The following AFAP1L1 variants were observed in gnomAD, a reference collection of about 807,000 sequenced individuals.
The protein encoded by AFAP1L1 is actin filament associated protein 1 like 1, also known as actin filament-associated protein 1-like 1.
Under a neutral mutation model 99.8 loss-of-function variants are expected in AFAP1L1, and 77 were observed. The observed-to-expected ratio is 0.77, with a 90% CI of 0.64 to 0.93. AFAP1L1 has a LOEUF of 0.93. Among genes scored for constraint, AFAP1L1 ranks in the 40% least tolerant of loss-of-function variants. The pLI is 0.00. For missense variants in AFAP1L1, 893 were observed against 996.8 expected, an observed-to-expected ratio of 0.90 and a Z score of 1.40; for synonymous variants, 373 against 395.3, an observed-to-expected ratio of 0.94 and a Z score of 0.67.
At chr5:149,301,341 GTCTC>G (rs1390163296) in intron 4 of AFAP1L1, 111 bp downstream of exon 4, 1 of 929,980 alleles carries the variant, frequency 1.1e-6, no homozygotes, top group Non-Finnish European at 1.7e-6. Context: ...GGACCCTGTT[GTCTC>G]TCTCGGGTTG....
At chr5:149,315,796 AGG>A (rs1467595181) in intron 9 of AFAP1L1, 23 bp from the exon 10 acceptor site, 2 of 1,608,688 alleles carry the variant, frequency 1.2e-6, no homozygotes, top group East Asian at 4.5e-5. Flanking sequence ...CCCTCTGATG[AGG>A]GACTGCCTGT....
In AFAP1L1 at chr5:149,343,382, C is replaced by G. The variant is rs1312652882; in HGVS notation, c.*3352C>G. Among the ~76,000 whole-genome samples the G allele has an allele frequency of 1.3e-5, 2 of 152,104 alleles. No individual in the cohort carries two copies. Among genetic ancestry groups the G allele is most frequent in the Admixed American group, 1.3e-4 (2 of 15,280 alleles). On this transcript the variant is annotated 3_prime_UTR_variant, in exon 19 of 19. Coordinates refer to ENST00000296721, the MANE Select transcript of AFAP1L1 (RefSeq NM_152406.4). Reference sequence around the variant, plus strand: ...AACTAAGCTGGCAACTCCAAGTGCCCTGGACCCCAGTCACCAATCCATCCT... The same window carrying G: ...AACTAAGCTGGCAACTCCAAGTGCCGTGGACCCCAGTCACCAATCCATCCT...
chr5:149,308,701 A>G (rs796137246), intron 7 of AFAP1L1, among the ~76,000 whole-genome samples: 2 of 152,190 alleles, frequency 1.3e-5, no homozygotes, highest in African/African-American at 2.4e-5. Context: ...TACCCCTTCT[A>G]TATTTTTCTC....
chr5:149,282,825 G>A (rs1000469287), intron 1 of AFAP1L1, among the ~76,000 whole-genome samples: 1 of 152,222 alleles, frequency 6.6e-6, no homozygotes, highest in African/African-American at 2.4e-5. Context: ...AAGGAATGAA[G>A]CACTGTCCTT....
Position 149,310,102 on chromosome 5 carries a change from G to A in AFAP1L1, c.894G>A (p.Leu298=), listed in dbSNP as rs1756576381. 1 of 1,611,712 alleles carries A rather than the reference G, an allele frequency of 6.2e-7. No individual in the cohort carries two copies. The highest frequency in any genetic ancestry group is 1.3e-5 in the African/African-American group (1 of 74,904). The change falls in exon 8 of 19, where the codon CTG becomes CTA. Residue 298 remains leucine, a synonymous_variant. Transcript: ENST00000296721. ...QGATEVLVLA[L]QSREQAEEWL... Reference sequence around the variant, plus strand: ...CTACCGAGGTCTTGGTGCTGGCACTGCAGAGCCGAGAGCAGGCCGAGGAGT... The same window carrying A: ...CTACCGAGGTCTTGGTGCTGGCACTACAGAGCCGAGAGCAGGCCGAGGAGT...
intron 11 of AFAP1L1, 81 bp downstream of exon 11, chr5:149,316,384 C>A: frequency 6.6e-7 from 1 of 1,505,150 alleles, no homozygotes; most frequent in Non-Finnish European, 9.0e-7. Context: ...AGACCTCATG[C>A]CTCGTCCACC....
intron 18 of AFAP1L1, among the ~76,000 whole-genome samples, chr5:149,339,530 G>A (rs1283290088): frequency 1.3e-5 from 2 of 152,180 alleles, no homozygotes; most frequent in South Asian, 2.1e-4. Flanking sequence ...TTTGAATTTC[G>A]TATCATTTTC....
rs2127607583 is a variant in AFAP1L1, at chr5:149,341,247, A to G, written c.*1217A>G. On this transcript the variant is annotated 3_prime_UTR_variant, in exon 19 of 19. Coordinates refer to ENST00000296721, the MANE Select transcript of AFAP1L1 (RefSeq NM_152406.4). Reference sequence around the variant, plus strand: ...AGGGGTTACATATTTTAACCCACCTAAGGTTTTACAGACTTTAGCCTCACT... The same window carrying G: ...AGGGGTTACATATTTTAACCCACCTGAGGTTTTACAGACTTTAGCCTCACT... 6.6e-6 allele frequency: 1 copy of G among 152,312 alleles called. No individual in the cohort carries two copies. The highest frequency in any genetic ancestry group is 2.1e-4 in the South Asian group (1 of 4,828). 9.4% of individuals were successfully genotyped at this position (152,312 alleles called of 1,614,324 possible).
In AFAP1L1 at chr5:149,300,256, CCTT is replaced by C; in HGVS notation, c.146-10_146-8del. Reference sequence around the variant, plus strand: ...TCCTCCTTCACAGCTGGCATGTCCCCCTTCTTCCTCACAGCAAAGGAGGTCTCC... The same window carrying C: ...TCCTCCTTCACAGCTGGCATGTCCCCCTTCCTCACAGCAAAGGAGGTCTCC... On this transcript the variant is annotated splice_polypyrimidine_tract_variant and intron_variant, in intron 2 of 18. Transcript: ENST00000296721. 6.2e-7 allele frequency: 1 copy of C among 1,605,472 alleles called. No homozygotes were observed. Among genetic ancestry groups the C allele is most frequent in the Non-Finnish European group, 8.5e-7 (1 of 1,174,420 alleles).
In AFAP1L1 at chr5:149,329,791, G is replaced by A; in HGVS notation, c.1936G>A (p.Glu646Lys). The change falls in exon 16 of 19, where the codon GAG (glutamate) becomes AAG (lysine). Residue 646 changes from glutamate to lysine, a missense_variant. By Grantham distance (56) the Glu-to-Lys change is moderately conservative. Coordinates refer to ENST00000296721, the MANE Select transcript of AFAP1L1 (RefSeq NM_152406.4). ...IRTELIALRQ[E>K]KRELKEAIRS... ...GACAGAGCTGATAGCACTGAGACAG[G>A]AGAAGAGGGAACTGAAGGAAGCCAT... The A allele has an allele frequency of 1.9e-6, 3 of 1,613,450 alleles. No homozygotes were observed. The highest frequency in any genetic ancestry group is 2.5e-6 in the Non-Finnish European group (3 of 1,179,718).
chr5:149,299,389 G>T, intron 1 of AFAP1L1, 120 bp from the exon 2 acceptor site: 2 of 1,380,958 alleles, frequency 1.4e-6, no homozygotes, highest in Non-Finnish European at 9.7e-7. Context: ...AGGTCCGCTT[G>T]CACACCCGGA....
chr5:149,300,158 A>G, intron 2 of AFAP1L1, 113 bp from the exon 3 acceptor site: 2 of 658,914 alleles, frequency 3.0e-6, no homozygotes, highest in East Asian at 5.8e-5. Flanking sequence ...TAGGACTTGA[A>G]TGCGCTTTGC....
intron 1 of AFAP1L1, among the ~76,000 whole-genome samples, chr5:149,284,918 A>G (rs1370617648): frequency 6.6e-6 from 1 of 152,236 alleles, no homozygotes; most frequent in Non-Finnish European, 1.5e-5. Context: ...AGAGATACAT[A>G]AAACTTTAAA....
At position 149,322,684 on chromosome 5, in the gene AFAP1L1, G is replaced by C; in HGVS notation, c.1777G>C (p.Asp593His). 1 of 1,592,556 alleles carries C rather than the reference G, an allele frequency of 6.3e-7. No individual in the cohort carries two copies. Among genetic ancestry groups the C allele is most frequent in the Non-Finnish European group, 8.6e-7 (1 of 1,168,630 alleles). Residue 593 changes from aspartate (D) to histidine (H), a missense_variant, in exon 15 of 19, where the codon GAC (aspartate) becomes CAC (histidine). Transcript: ENST00000296721. ...SSCSEKSHRV[D>H]PQVKVKRHAS... is the part of the protein sequence containing the mutation. ...CTGCAGTGAGAAGTCCCATCGTGTGGACCCGCAGGTCAAAGTCAAACGCCA... is the reference window on the plus strand; with the variant it reads ...CTGCAGTGAGAAGTCCCATCGTGTGCACCCGCAGGTCAAAGTCAAACGCCA...
rs1446836848 is a variant in AFAP1L1 at position 149,342,340 on chromosome 5, C to G, written c.*2310C>G. Among the ~76,000 whole-genome samples the G allele has an allele frequency of 1.3e-5, 2 of 152,204 alleles. No individual in the cohort carries two copies. The highest frequency in any genetic ancestry group is 1.3e-4 in the Admixed American group (2 of 15,284). ...ATGGAAGCTCACAGAGGTCAGGTAACTTGTCCAAGCTCCCATAGTTCTTAT... is the reference window on the plus strand; with the variant it reads ...ATGGAAGCTCACAGAGGTCAGGTAAGTTGTCCAAGCTCCCATAGTTCTTAT... On this transcript the variant is annotated 3_prime_UTR_variant, in exon 19 of 19. Coordinates refer to ENST00000296721, the MANE Select transcript of AFAP1L1 (RefSeq NM_152406.4).
At chr5:149,272,160 A>T (rs1755138432) in intron 1 of AFAP1L1, among the ~76,000 whole-genome samples, 176 bp downstream of exon 1, 1 of 152,112 alleles carries the variant, frequency 6.6e-6, no homozygotes, top group Non-Finnish European at 1.5e-5. Context: ...GGCTGCCGGG[A>T]CAACCCGGTG....
At chr5:149,280,696 G>A (rs187055084) in intron 1 of AFAP1L1, among the ~76,000 whole-genome samples, 23 of 152,276 alleles carry the variant, frequency 1.5e-4, no homozygotes, top group African/African-American at 5.1e-4. Context: ...TCTTTAAAAA[G>A]CCATGCAAAT....
Position 149,331,436 on chromosome 5 carries a change from C to T in AFAP1L1, c.1976-1259C>T, listed in dbSNP as rs184980104. ...GAGATCGAGACCATCCTGGCTAACA[C>T]GGTGAAACCCCGTCTCTATTAAAAA... is the stretch of plus-strand genomic sequence containing the variant. On this transcript the variant is annotated intron_variant, in intron 16 of 18. Transcript: ENST00000296721. Among the ~76,000 whole-genome samples, 408 of 152,148 alleles carry T rather than the reference C, an allele frequency of 2.7e-3. 2 individuals carry two copies. The highest frequency in any genetic ancestry group is 8.0e-3 in the African/African-American group (332 of 41,520).
At chr5:149,303,490 A>G (rs1756297341) in intron 5 of AFAP1L1, among the ~76,000 whole-genome samples, 1 of 152,250 alleles carries the variant, frequency 6.6e-6, no homozygotes, top group Non-Finnish European at 1.5e-5. Flanking sequence ...AATTTGTATA[A>G]GATAATGTTT....
Sources: allele counts gnomAD v4.1 joint callset (sites outside exome capture counted in the v4.1 genomes callset), GRCh38; gene constraint gnomAD v4.1.1; transcripts MANE v1.5; gene names NCBI Gene and HGNC (gene_info 2026-07-23, HGNC 2026-07-21).